Variants in GRIK2 observed in about 807,000 individuals in gnomAD.
GRIK2 encodes glutamate receptor ionotropic, kainate 2.
A neutral mutation model predicts 100.3 loss-of-function variants in GRIK2; 32 were observed. The observed-to-expected ratio is 0.32, with a 90% CI of 0.24 to 0.43. The LOEUF is 0.43. GRIK2 is among the 20% of genes least tolerant of loss of function. The pLI, the probability that GRIK2 is intolerant of heterozygous loss-of-function variation, is 1.00. For synonymous variants in GRIK2, 417 were observed against 389.4 expected, an observed-to-expected ratio of 1.07 and a Z score of -0.83; for missense variants, 843 against 1,114.9, an observed-to-expected ratio of 0.76 and a Z score of 3.47.
At chr6:101,433,368 CT>C (rs1769526212) in intron 2 of GRIK2, among the ~76,000 whole-genome samples, 1 of 152,064 alleles carries the variant, frequency 6.6e-6, no homozygotes, top group South Asian at 2.1e-4. Context: ...GCTTTTATAC[CT>C]GCGTGACGTG....
intron 2 of GRIK2, among the ~76,000 whole-genome samples, chr6:101,603,474 G>A (rs543196): frequency 0.3 from 45,016 of 151,338 alleles, 7,430 homozygotes; most frequent in African/African-American, 0.44. Context: ...AGAAAGAAGA[G>A]TTACCTAATT....
At chr6:101,960,050 TTTG>T (rs1294535564) in intron 14 of GRIK2, among the ~76,000 whole-genome samples, 2 of 141,266 alleles carry the variant, frequency 1.4e-5, no homozygotes, top group African/African-American at 5.8e-5. Context: ...TTTTTAGTGT[TTTG>T]TTTTTTTTTT....
At chr6:101,696,519 G>T (rs961866600) in intron 7 of GRIK2, among the ~76,000 whole-genome samples, 4 of 151,906 alleles carry the variant, frequency 2.6e-5, no homozygotes, top group African/African-American at 7.2e-5. Flanking sequence ...ATGTTAGGAT[G>T]TATACAGTGG....
intron 14 of GRIK2, among the ~76,000 whole-genome samples, chr6:102,007,577 C>A (rs556336566): frequency 1.3e-5 from 2 of 152,054 alleles, no homozygotes; most frequent in South Asian, 4.2e-4. Context: ...AGCATGAGAA[C>A]AATTACATAA....
intron 14 of GRIK2, among the ~76,000 whole-genome samples, chr6:101,968,893 T>C (rs1463450883): frequency 6.6e-6 from 1 of 152,000 alleles, no homozygotes. Context: ...AATTTATTCA[T>C]TGTTCATAAC....
intron 7 of GRIK2, among the ~76,000 whole-genome samples, chr6:101,779,505 C>T (rs1337967899): frequency 6.6e-6 from 1 of 152,132 alleles, no homozygotes; most frequent in Admixed American, 6.5e-5. Flanking sequence ...CAAAACAAAA[C>T]AAGTTTTTGG....
intron 2 of GRIK2, among the ~76,000 whole-genome samples, chr6:101,451,033 T>A (rs1770646949): frequency 6.6e-6 from 1 of 151,772 alleles, no homozygotes; most frequent in African/African-American, 2.4e-5. Context: ...CCTTTCCCGC[T>A]CTATTTTTTC....
intron 7 of GRIK2, among the ~76,000 whole-genome samples, chr6:101,763,377 CTT>C (rs764797052): frequency 6.6e-6 from 1 of 152,172 alleles, no homozygotes; most frequent in African/African-American, 2.4e-5. Context: ...TTTAGTCACT[CTT>C]TGTTAGTTGC....
chr6:102,002,365 T>G (rs868102994), intron 14 of GRIK2, among the ~76,000 whole-genome samples: 1 of 145,820 alleles, frequency 6.9e-6, no homozygotes, highest in Non-Finnish European at 1.5e-5. Flanking sequence ...GTATATATTA[T>G]GTATATATTT....
intron 3 of GRIK2, among the ~76,000 whole-genome samples, chr6:101,624,236 A>G (rs1780318963): frequency 6.6e-6 from 1 of 152,138 alleles, no homozygotes; most frequent in Non-Finnish European, 1.5e-5. Flanking sequence ...AACATTCTAA[A>G]TAACTTAATT....
At chr6:101,990,865 T>C (rs1383804439) in intron 14 of GRIK2, among the ~76,000 whole-genome samples, 1 of 151,840 alleles carries the variant, frequency 6.6e-6, no homozygotes, top group Non-Finnish European at 1.5e-5. Flanking sequence ...TTAGAGACTA[T>C]GTCATAAAAA....
chr6:101,398,533 C>T (rs542620696), intron 1 of GRIK2, among the ~76,000 whole-genome samples: 13 of 152,262 alleles, frequency 8.5e-5, no homozygotes, highest in Admixed American at 4.6e-4. Flanking sequence ...TAAATTCCTC[C>T]GTCTTAGATC....
chr6:101,606,339 A>G (rs1319992352), intron 2 of GRIK2, among the ~76,000 whole-genome samples: 5 of 151,968 alleles, frequency 3.3e-5, no homozygotes. Flanking sequence ...GATAGATTAG[A>G]TTGGCAAGGG....
intron 2 of GRIK2, among the ~76,000 whole-genome samples, chr6:101,563,750 G>A (rs1447483307): frequency 6.6e-6 from 1 of 152,010 alleles, no homozygotes; most frequent in South Asian, 2.1e-4. Context: ...GTTTTAAAGT[G>A]TAAAGTACCT....
intron 14 of GRIK2, among the ~76,000 whole-genome samples, chr6:101,943,112 C>T (rs535988901): frequency 6.6e-6 from 1 of 152,350 alleles, no homozygotes; most frequent in East Asian, 1.9e-4. Context: ...ACTCCAGCTC[C>T]AGCCATGGCT....
rs1456756557 is a variant in GRIK2, at chr6:101,676,929, TAGAA to T, written c.723+128_723+131del. On this transcript the variant is annotated intron_variant, in intron 5 of 16. Transcript: ENST00000369134. The stretch of plus-strand genomic sequence containing the variant: ...TAATAACCTTGATGTAATTTTATGA[TAGAA>T]AGTCTGACAATTGCTTTTAATTAAT... The T allele has an allele frequency of 5.7e-4, 330 of 574,888 alleles. 1 individual carries two copies. The East Asian group carries it at 0.011, about 19-fold the overall frequency. The allele number at this position is 574,888 out of a possible 1,614,324, so 35.6% of individuals were successfully genotyped here. A position where few individuals can be genotyped will look rare whatever the true frequency, so the allele number is the denominator to read the frequency against.
chr6:101,602,317 C>T (rs151022933), intron 2 of GRIK2, among the ~76,000 whole-genome samples: 15 of 151,098 alleles, frequency 9.9e-5, no homozygotes, highest in African/African-American at 2.4e-4. Context: ...CAATTTTTTT[C>T]GAATTTATTG....
chr6:101,557,473 G>A (rs1776802418), intron 2 of GRIK2, among the ~76,000 whole-genome samples: 1 of 152,122 alleles, frequency 6.6e-6, no homozygotes. Flanking sequence ...AGAGATGTGA[G>A]GCTTATTATT....
chr6:101,961,551 C>T (rs1221033069), intron 14 of GRIK2, among the ~76,000 whole-genome samples: 2 of 152,158 alleles, frequency 1.3e-5, no homozygotes, highest in Non-Finnish European at 2.9e-5. Flanking sequence ...GGCACCAGTG[C>T]CACCTGCTGC....
Sources: gnomAD v4.1 joint callset for allele counts (sites outside exome capture counted in the v4.1 genomes callset) on GRCh38, gnomAD v4.1.1 for gene constraint, MANE v1.5 for transcripts, NCBI Gene and HGNC (gene_info 2026-07-23, HGNC 2026-07-21) for gene names.